The following LYPD6B variants were observed in gnomAD, a reference collection of about 807,000 sequenced individuals.
The protein encoded by LYPD6B is ly6/PLAUR domain-containing protein 6B.
In LYPD6B, 17 loss-of-function variants were observed where a neutral mutation model predicts 22.8. The ratio of observed to expected loss-of-function variants is 0.75; its 90% CI spans 0.51 to 1.12. LYPD6B has a LOEUF of 1.12. Ranked by LOEUF, LYPD6B falls within the 50% of genes most tolerant of loss-of-function variation. The probability of loss-of-function intolerance (pLI) is 0.00; values close to 1 mark genes in which losing one functional copy is unlikely to be tolerated. For missense variants in LYPD6B, 221 were observed against 258.3 expected, an observed-to-expected ratio of 0.86 and a Z score of 0.99; for synonymous variants, 106 against 91.6, an observed-to-expected ratio of 1.16 and a Z score of -0.90.
chr2:149,203,280 T>C (rs1693291528), intron 3 of LYPD6B, among the ~76,000 whole-genome samples: 1 of 152,208 alleles, frequency 6.6e-6, no homozygotes, highest in African/African-American at 2.4e-5. Context: ...AACGTGACAC[T>C]GAAACCTGTA....
chr2:149,047,624 T>C (rs531977812), intron 1 of LYPD6B, among the ~76,000 whole-genome samples: 14 of 152,252 alleles, frequency 9.2e-5, no homozygotes, highest in Admixed American at 9.2e-4. Context: ...TTATCATACC[T>C]GATGTTCTTG....
chr2:149,072,220 A>C (rs1684640292), intron 1 of LYPD6B, among the ~76,000 whole-genome samples: 1 of 152,194 alleles, frequency 6.6e-6, no homozygotes, highest in Non-Finnish European at 1.5e-5. Context: ...GACTTTCAGC[A>C]CATGTGCCTC....
chr2:149,091,512 C>T (rs1218633187), intron 1 of LYPD6B, among the ~76,000 whole-genome samples: 2 of 151,904 alleles, frequency 1.3e-5, no homozygotes, highest in Non-Finnish European at 2.9e-5. Context: ...TTTTAATAAC[C>T]ATGCCAACAA....
intron 1 of LYPD6B, among the ~76,000 whole-genome samples, chr2:149,082,049 C>T (rs534456849): frequency 1.4e-3 from 218 of 152,266 alleles, no homozygotes; most frequent in African/African-American, 5.1e-3. Flanking sequence ...TTCTTTTTTA[C>T]ACATGTTCAT....
At chr2:149,154,497 A>G (rs1009973564) in intron 2 of LYPD6B, among the ~76,000 whole-genome samples, 1 of 151,972 alleles carries the variant, frequency 6.6e-6, no homozygotes, top group African/African-American at 2.4e-5. Flanking sequence ...TTTTTTTTGT[A>G]ATTTATTATA....
At chr2:149,057,583 C>T (rs1178278558) in intron 1 of LYPD6B, among the ~76,000 whole-genome samples, 5 of 152,002 alleles carry the variant, frequency 3.3e-5, no homozygotes, top group Admixed American at 6.5e-5. Context: ...CCAGTCCCTA[C>T]GATTAAATGT....
chr2:149,086,916 C>A (rs75515972), intron 1 of LYPD6B, among the ~76,000 whole-genome samples: 1 of 152,026 alleles, frequency 6.6e-6, no homozygotes, highest in Non-Finnish European at 1.5e-5. Flanking sequence ...TAAGGATATC[C>A]GCCATCTTGC....
In LYPD6B at chr2:149,191,337, C is replaced by A. The variant is rs151092423; in HGVS notation, c.78-13916C>A. ...ATAAAATTATTCTTGTTCAAATATT[C>A]TTTTTGGAAATGTTTATGGCTTTGT... is the stretch of plus-strand genomic sequence containing the variant. On this transcript the variant is annotated intron_variant, in intron 3 of 6. Transcript: ENST00000409642. Among the ~76,000 whole-genome samples, 13 of 151,998 alleles carry A rather than the reference C, an allele frequency of 8.6e-5. No homozygotes were observed. In the East Asian group the frequency reaches 1.9e-3, roughly 23 times the overall value.
chr2:149,042,330 A>T (rs2105248981), intron 1 of LYPD6B, among the ~76,000 whole-genome samples: 1 of 152,324 alleles, frequency 6.6e-6, no homozygotes, highest in African/African-American at 2.4e-5. Flanking sequence ...TATATGGTAG[A>T]CATTGGTGGA....
At chr2:149,116,861 T>C (rs1186480205) in intron 1 of LYPD6B, among the ~76,000 whole-genome samples, 3 of 152,216 alleles carry the variant, frequency 2.0e-5, no homozygotes, top group Non-Finnish European at 4.4e-5. Flanking sequence ...TTGGAGCTTT[T>C]CACCACTCTC....
At chr2:149,192,891 AATG>A (rs997576807) in intron 3 of LYPD6B, among the ~76,000 whole-genome samples, 50 of 152,230 alleles carry the variant, frequency 3.3e-4, no homozygotes, top group African/African-American at 1.1e-3. Context: ...GCATTTATTC[AATG>A]ATTACGTTGG....
intron 3 of LYPD6B, chr2:149,188,755 T>A: frequency 1.2e-6 from 1 of 841,826 alleles, no homozygotes; most frequent in Non-Finnish European, 1.4e-6. Context: ...TACTTACCTC[T>A]AAGATGTTTC....
intron 1 of LYPD6B, among the ~76,000 whole-genome samples, chr2:149,073,062 G>T (rs896180085): frequency 6.6e-6 from 1 of 152,182 alleles, no homozygotes; most frequent in Admixed American, 6.5e-5. Flanking sequence ...ATGGTAAGAG[G>T]TGATGTCTTC....
At chr2:149,046,517 T>C (rs1051013006) in intron 1 of LYPD6B, among the ~76,000 whole-genome samples, 2 of 151,882 alleles carry the variant, frequency 1.3e-5, no homozygotes, top group African/African-American at 4.8e-5. Context: ...TTGTTGTTGT[T>C]TATTTTGTTT....
chr2:149,113,617 TGTA>T (rs1033284428), intron 1 of LYPD6B, among the ~76,000 whole-genome samples: 2 of 152,168 alleles, frequency 1.3e-5, no homozygotes, highest in African/African-American at 4.8e-5. Context: ...TGCTTTCATG[TGTA>T]TATGCTGTTC....
At chr2:149,162,070 A>C (rs1690099814) in intron 3 of LYPD6B, among the ~76,000 whole-genome samples, 1 of 152,210 alleles carries the variant, frequency 6.6e-6, no homozygotes, top group Non-Finnish European at 1.5e-5. Flanking sequence ...TCTAGTCATA[A>C]GACATATGGG....
At chr2:149,170,774 C>T (rs1383121377) in intron 3 of LYPD6B, among the ~76,000 whole-genome samples, 9 of 152,074 alleles carry the variant, frequency 5.9e-5, no homozygotes, top group Non-Finnish European at 1.0e-4. Context: ...TACAAATTCC[C>T]AACTAATCCT....
chr2:149,127,291 T>C (rs1165449901), intron 1 of LYPD6B, among the ~76,000 whole-genome samples: 1 of 152,228 alleles, frequency 6.6e-6, no homozygotes, highest in Admixed American at 6.5e-5. Flanking sequence ...TGTGTGAGCT[T>C]ATATTTGATA....
chr2:149,144,718 G>A (rs4667350), intron 2 of LYPD6B, among the ~76,000 whole-genome samples: 76,212 of 151,594 alleles, frequency 0.5, 19,733 homozygotes, highest in South Asian at 0.69. Context: ...TGTAAGTAAG[G>A]ATCACAGCAT....
Sources: gnomAD v4.1 joint callset for allele counts (sites outside exome capture counted in the v4.1 genomes callset) on GRCh38, gnomAD v4.1.1 for gene constraint, MANE v1.5 for transcripts, NCBI Gene and HGNC (gene_info 2026-07-23, HGNC 2026-07-21) for gene names.